The following MILR1 variants were observed in gnomAD, a reference collection of about 807,000 sequenced individuals.
The protein encoded by MILR1 is allergin-1.
Under a neutral mutation model 18.5 loss-of-function variants are expected in MILR1, and 31 were observed. That is an observed-to-expected ratio of 1.68 (90% confidence interval 1.26 to 2.26). The LOEUF is 2.26. MILR1 is among the 30% of genes most tolerant of loss of function. MILR1 has a pLI of 0.00. For missense variants in MILR1, 257 were observed against 157.4 expected, an observed-to-expected ratio of 1.63 and a Z score of -3.38; for synonymous variants, 85 against 56.2, an observed-to-expected ratio of 1.51 and a Z score of -2.30.
chr17:64,493,583 C>A, the MILR1 span, among the ~76,000 whole-genome samples: 7 of 152,166 alleles, frequency 4.6e-5, no homozygotes, highest in East Asian at 1.4e-3. Flanking sequence ...CTCCCGGGTT[C>A]ATGCCATTCT....
At position 64,465,660 on chromosome 17, in the gene MILR1, A is replaced by G. The variant is rs1366857574; in HGVS notation, c.853+119A>G. 1.5e-5 allele frequency: 15 copies of G among 974,514 alleles called. No homozygotes were observed. The Admixed American group carries it at 2.6e-4, about 17-fold the overall frequency. The allele number at this position is 974,514 out of a possible 1,614,324, so 60.4% of individuals were successfully genotyped here. ...GCAAAAGGGATAGAGTTCAATGTCT[A>G]TTGATGCCCAGTCCCACTTTCTAGG... On this transcript the variant is annotated intron_variant, in intron 6 of 9. Coordinates refer to ENST00000619286, the MANE Select transcript of MILR1 (RefSeq NM_001085423.2).
the MILR1 span, among the ~76,000 whole-genome samples, chr17:64,487,626 A>G: frequency 6.9e-6 from 1 of 145,780 alleles, no homozygotes; most frequent in South Asian, 2.2e-4. Flanking sequence ...AAAAAAAAAA[A>G]AAAAAAAAAA....
chr17:64,454,871 C>T (rs1208362690), intron 3 of MILR1, among the ~76,000 whole-genome samples: 1 of 152,044 alleles, frequency 6.6e-6, no homozygotes, highest in Non-Finnish European at 1.5e-5. Context: ...AGCGTGGTGG[C>T]GTGCCTATAG....
At chr17:64,475,979 A>C in the MILR1 span, among the ~76,000 whole-genome samples, 2 of 151,306 alleles carry the variant, frequency 1.3e-5, no homozygotes, top group Non-Finnish European at 3.0e-5. Context: ...ACGCCCAGCT[A>C]ATTTTTTGTA....
At chr17:64,449,471 A>T (rs1343460658) in intron 2 of MILR1, 116 bp downstream of exon 2, 1 of 411,734 alleles carries the variant, frequency 2.4e-6, no homozygotes, top group African/African-American at 2.1e-5. Context: ...GAACAACCAA[A>T]GAACAGTCTT....
At chr17:64,483,861 C>CCA in the MILR1 span, 2 of 152,324 alleles carry the variant, frequency 1.3e-5, no homozygotes, top group African/African-American at 4.8e-5. Flanking sequence ...CAGGTGCACG[C>CCA]CACCACGCCC....
chr17:64,454,722 GCT>G (rs1373130153), intron 3 of MILR1, among the ~76,000 whole-genome samples: 1 of 152,166 alleles, frequency 6.6e-6, no homozygotes, highest in African/African-American at 2.4e-5. Flanking sequence ...GGCCAGGTGC[GCT>G]GTCTCACAGG....
chr17:64,497,022 G>A, the MILR1 span: 5 of 1,512,964 alleles, frequency 3.3e-6, no homozygotes, highest in Admixed American at 5.0e-5. Flanking sequence ...ATCCCAACAA[G>A]CCACCACTAC....
chr17:64,450,587 C>T (rs9893089), intron 2 of MILR1, among the ~76,000 whole-genome samples: 8,043 of 152,170 alleles, frequency 0.053, 731 homozygotes, highest in African/African-American at 0.18. Flanking sequence ...TCAAGGGATC[C>T]TCCTGCCTCA....
intron 5 of MILR1, among the ~76,000 whole-genome samples, chr17:64,464,254 C>A (rs1249228091): frequency 2.0e-5 from 3 of 150,008 alleles, no homozygotes; most frequent in Non-Finnish European, 4.4e-5. Flanking sequence ...GTAGTTGGGA[C>A]CACAGGCGCG....
At chr17:64,458,040 A>C (rs1462535640) in intron 4 of MILR1, among the ~76,000 whole-genome samples, 1 of 152,144 alleles carries the variant, frequency 6.6e-6, no homozygotes, top group Non-Finnish European at 1.5e-5. Flanking sequence ...TCCAATTTGC[A>C]TCTGTCTTAG....
At chr17:64,467,771 C>T in intron 9 of MILR1, 126 bp downstream of exon 9, 1 of 549,874 alleles carries the variant, frequency 1.8e-6, no homozygotes, top group East Asian at 3.3e-5. Context: ...CCCATCTCTA[C>T]TAAAAATACA....
the MILR1 span, chr17:64,496,649 C>T: frequency 1.2e-6 from 2 of 1,614,018 alleles, no homozygotes; most frequent in East Asian, 2.2e-5. Flanking sequence ...CAGGTTCTTC[C>T]GCAACTCTAC....
chr17:64,495,956 G>T, the MILR1 span, among the ~76,000 whole-genome samples: 1 of 152,112 alleles, frequency 6.6e-6, no homozygotes. Flanking sequence ...TGATCCACCC[G>T]CCTCTGCCTT....
At chr17:64,485,841 G>C in the MILR1 span, 1 of 1,613,990 alleles carries the variant, frequency 6.2e-7, no homozygotes, top group East Asian at 2.2e-5. Context: ...AGAACACAAG[G>C]AACCACATTT....
chr17:64,492,583 T>C, the MILR1 span: 1 of 765,578 alleles, frequency 1.3e-6, no homozygotes, highest in African/African-American at 1.7e-5. Flanking sequence ...CAAATATAAT[T>C]TCTTGTATGT....
intron 5 of MILR1, among the ~76,000 whole-genome samples, chr17:64,465,073 G>A (rs1027266957): frequency 9.9e-5 from 15 of 152,132 alleles, no homozygotes; most frequent in African/African-American, 2.7e-4. Context: ...CAGCCCAGGC[G>A]ACAGAGCGAG....
At chr17:64,449,423 A>G (rs2037115640) in intron 2 of MILR1, 68 bp downstream of exon 2, 2 of 422,220 alleles carry the variant, frequency 4.7e-6, no homozygotes, top group African/African-American at 4.0e-5. Flanking sequence ...TCTGATTGCA[A>G]CATAAGCGTC....
intron 5 of MILR1, among the ~76,000 whole-genome samples, chr17:64,464,510 G>A (rs2037505404): frequency 1.3e-5 from 2 of 152,050 alleles, no homozygotes; most frequent in East Asian, 3.9e-4. Flanking sequence ...AAAGCACTGG[G>A]ATTACAGGCG....
Sources: gnomAD v4.1 joint callset for allele counts (sites outside exome capture counted in the v4.1 genomes callset) on GRCh38, gnomAD v4.1.1 for gene constraint, MANE v1.5 for transcripts, NCBI Gene and HGNC (gene_info 2026-07-23, HGNC 2026-07-21) for gene names.